The following BBS12 variants were observed in gnomAD, a reference collection of about 807,000 sequenced individuals.
BBS12 encodes the protein Bardet-Biedl syndrome 12.
In BBS12, 5 loss-of-function variants were observed where a neutral mutation model predicts 5.6. That is an observed-to-expected ratio of 0.89 (90% CI 0.46 to 1.86). BBS12 has a LOEUF of 1.86. BBS12 is among the 40% of genes most tolerant of loss of function. The pLI is 0.01. For missense variants in BBS12, 748 were observed against 830.4 expected (o/e 0.90, Z 1.22); for synonymous variants, 308 against 306.8 (o/e 1.00, Z -0.04).
the BBS12 span, among the ~76,000 whole-genome samples, chr4:122,713,614 T>C: frequency 5.3e-5 from 8 of 152,264 alleles, no homozygotes; most frequent in Non-Finnish European, 1.2e-4. Context: ...ATGCCCCAAC[T>C]CAACTCTATC....
chr4:122,741,086 G>C (rs1800863804), intron 1 of BBS12, among the ~76,000 whole-genome samples: 2 of 152,176 alleles, frequency 1.3e-5, no homozygotes, highest in Non-Finnish European at 2.9e-5. Flanking sequence ...ACAGGATCAA[G>C]TTTAAGTTAC....
At position 122,744,098 on chromosome 4, in the gene BBS12, A is replaced by G; in HGVS notation, c.*73A>G. The G allele has an allele frequency of 6.8e-7, 1 of 1,469,050 alleles. No homozygotes were observed. Among genetic ancestry groups the G allele is most frequent in the East Asian group, 2.3e-5 (1 of 43,516 alleles). 91.0% of individuals were successfully genotyped at this position (1,469,050 alleles called of 1,614,324 possible). A position where few individuals can be genotyped will look rare whatever the true frequency, so the allele number is the denominator to read the frequency against. On this transcript the variant is annotated 3_prime_UTR_variant, in exon 2 of 2. Coordinates refer to ENST00000314218, the MANE Select transcript of BBS12 (RefSeq NM_152618.3). The stretch of plus-strand genomic sequence containing the variant: ...CTAATAATAAATATATTGATAGCCA[A>G]GTCATGGTGCCTAAAATGCCAGCTA...
chr4:122,742,900 T>C lies in BBS12; in HGVS notation c.1008T>C (p.Thr336=), dbSNP rs777228321. ...TSSCVCPGYI[T]VVSVSNNPVI... is the part of the protein sequence containing the mutation. ...CTTGTGTTTGTCCAGGATATATCAC[T>C]GTTGTGTCAGTATCTAATAATCCTG... The change falls in exon 2 of 2, where the codon ACT becomes ACC. Residue 336 remains threonine, a synonymous_variant. Coordinates refer to ENST00000314218, the MANE Select transcript of BBS12 (RefSeq NM_152618.3). The C allele has an allele frequency of 6.2e-7, 1 of 1,614,230 alleles. No individual in the cohort carries two copies. Among genetic ancestry groups the C allele is most frequent in the Non-Finnish European group, 8.5e-7 (1 of 1,180,040 alleles).
chr4:122,736,447 A>G (rs756153386), intron 1 of BBS12, among the ~76,000 whole-genome samples: 24 of 152,172 alleles, frequency 1.6e-4, no homozygotes, highest in Non-Finnish European at 3.4e-4. Context: ...AGCTCCTGAA[A>G]GCATTGCATG....
chr4:122,725,238 T>C, the BBS12 span, among the ~76,000 whole-genome samples: 1 of 152,136 alleles, frequency 6.6e-6, no homozygotes, highest in Non-Finnish European at 1.5e-5. Context: ...ACCACCATAA[T>C]TCTTCACACA....
the BBS12 span, among the ~76,000 whole-genome samples, chr4:122,720,266 C>T: frequency 3.3e-5 from 5 of 152,146 alleles, no homozygotes; most frequent in Non-Finnish European, 4.4e-5. Flanking sequence ...GCCTGGCCAA[C>T]ATGGCAAAAC....
chr4:122,715,371 C>T, the BBS12 span, among the ~76,000 whole-genome samples: 1 of 149,352 alleles, frequency 6.7e-6, no homozygotes, highest in Admixed American at 6.7e-5. Context: ...GTCCAAAATT[C>T]ACTTAAAATC....
chr4:122,714,793 AAAG>A, the BBS12 span, among the ~76,000 whole-genome samples: 36 of 152,308 alleles, frequency 2.4e-4, no homozygotes, highest in African/African-American at 7.2e-4. Context: ...TCAAGCTTTA[AAAG>A]AATGCTTATA....
the BBS12 span, among the ~76,000 whole-genome samples, chr4:122,709,295 T>C: frequency 1.3e-5 from 2 of 152,302 alleles, no homozygotes; most frequent in African/African-American, 2.4e-5. Context: ...TCAGGACTTA[T>C]AATGGCAGAG....
At chr4:122,727,968 A>G (rs900123372), upstream of BBS12, among the ~76,000 whole-genome samples, 1 of 152,244 alleles carries the variant, frequency 6.6e-6, no homozygotes, top group Non-Finnish European at 1.5e-5. Context: ...CTCATAAGAG[A>G]AATGAGCATG....
At chr4:122,727,544 A>ATTTTTTTTTTTTTCT in the BBS12 span, among the ~76,000 whole-genome samples, 1 of 82,302 alleles carries the variant, frequency 1.2e-5, no homozygotes, top group Non-Finnish European at 2.1e-5. Context: ...CCCCTGGCCA[A>ATTTTTTTTTTTTTCT]TTTTTTTTTT....
At position 122,743,770 on chromosome 4, in the gene BBS12, C is replaced by T. The variant is rs1800935621; in HGVS notation, c.1878C>T (p.Ala626=). The T allele has an allele frequency of 6.2e-7, 1 of 1,614,034 alleles. No homozygotes were observed. Among genetic ancestry groups the T allele is most frequent in the African/African-American group, 1.3e-5 (1 of 74,920 alleles). Residue 626 remains alanine, a synonymous_variant, in exon 2 of 2, where the codon GCC becomes GCT. Coordinates refer to ENST00000314218, the MANE Select transcript of BBS12 (RefSeq NM_152618.3). ...STYIQHHLQN[A]TDSGSPSSYI... ...ACATTCAACATCATCTGCAAAATGC[C>T]ACAGACTCTGGCTCTCCTTCATCTT...
the BBS12 span, among the ~76,000 whole-genome samples, chr4:122,709,742 C>T: frequency 5.3e-5 from 8 of 152,098 alleles, no homozygotes; most frequent in Non-Finnish European, 1.0e-4. Context: ...GCAACCTCCA[C>T]TTCCTGGGTT....
chr4:122,718,135 T>C, the BBS12 span, among the ~76,000 whole-genome samples: 1 of 152,202 alleles, frequency 6.6e-6, no homozygotes, highest in Non-Finnish European at 1.5e-5. Context: ...GCATAAAACA[T>C]AGTAAGCACT....
At chr4:122,701,488 G>A in the BBS12 span, among the ~76,000 whole-genome samples, 148,467 of 152,320 alleles carry the variant, frequency 0.97, 72,398 homozygotes, top group East Asian at 1. Context: ...ATGTCTGTCT[G>A]CATAGATCTA....
At chr4:122,737,983 A>G (rs1186975990) in intron 1 of BBS12, among the ~76,000 whole-genome samples, 1 of 152,228 alleles carries the variant, frequency 6.6e-6, no homozygotes, top group Non-Finnish European at 1.5e-5. Context: ...AAAAGAATAA[A>G]GTTGGACTCC....
chr4:122,705,639 C>A, the BBS12 span, among the ~76,000 whole-genome samples: 1 of 152,026 alleles, frequency 6.6e-6, no homozygotes. Context: ...TGTGTGTTTC[C>A]TGGCATAGCC....
At chr4:122,722,120 T>G in the BBS12 span, among the ~76,000 whole-genome samples, 1 of 152,160 alleles carries the variant, frequency 6.6e-6, no homozygotes, top group African/African-American at 2.4e-5. Flanking sequence ...GGTGTGAGAC[T>G]GGGGGTCAAA....
rs749924505 is a variant in BBS12 at position 122,744,853 on chromosome 4, A to C, written c.*828A>C. ...AATCAACTCTAAGTTCCAAGGGAGGACCAATAGGTCTTTTTATTAGGCAGC... is the reference window on the plus strand; with the variant it reads ...AATCAACTCTAAGTTCCAAGGGAGGCCCAATAGGTCTTTTTATTAGGCAGC... On this transcript the variant is annotated 3_prime_UTR_variant, in exon 2 of 2. Coordinates refer to ENST00000314218, the MANE Select transcript of BBS12 (RefSeq NM_152618.3). 19 of 167,048 alleles carry C rather than the reference A, an allele frequency of 1.1e-4. No individual in the cohort carries two copies. The highest frequency in any genetic ancestry group is 2.5e-4 in the Non-Finnish European group (17 of 68,140). 10.3% of individuals were successfully genotyped at this position (167,048 alleles called of 1,614,324 possible). A position where few individuals can be genotyped will look rare whatever the true frequency, so the allele number is the denominator to read the frequency against.
Sources: gnomAD v4.1 joint callset for allele counts (sites outside exome capture counted in the v4.1 genomes callset) on GRCh38, gnomAD v4.1.1 for gene constraint, MANE v1.5 for transcripts, NCBI Gene and HGNC (gene_info 2026-07-23, HGNC 2026-07-21) for gene names.